Variants in CDIN1 observed in about 807,000 individuals in gnomAD.
CDIN1 encodes CDAN1 interacting nuclease 1, also known as CDAN1-interacting nuclease 1.
A neutral mutation model predicts 45.3 loss-of-function variants in CDIN1; 33 were observed. The ratio of observed to expected loss-of-function variants is 0.73; its 90% confidence interval spans 0.55 to 0.97. CDIN1 has a LOEUF of 0.97. Ranked by LOEUF, CDIN1 falls within the 50% of genes least tolerant of loss-of-function variation. The pLI is 0.00. For synonymous variants in CDIN1, 118 were observed against 124.4 expected, an observed-to-expected ratio of 0.95 and a Z score of 0.34; for missense variants, 303 against 339.4, an observed-to-expected ratio of 0.89 and a Z score of 0.84.
rs143203232 is a variant in CDIN1 at position 36,789,477 on chromosome 15, T to G, written c.717-18847T>G. On this transcript the variant is annotated intron_variant, in intron 10 of 10. Transcript: ENST00000566621. Reference sequence around the variant, plus strand: ...CCTTCCTAGTTTTTCAAGATGTATATTTTGTTAAAAAATTAATGGGTGAAG... The same window carrying G: ...CCTTCCTAGTTTTTCAAGATGTATAGTTTGTTAAAAAATTAATGGGTGAAG... Among the ~76,000 whole-genome samples, 555 of 152,300 alleles carry G rather than the reference T, an allele frequency of 3.6e-3. 1 individual carries two copies. The highest frequency in any genetic ancestry group is 0.013 in the African/African-American group (528 of 41,554).
intron 1 of CDIN1, among the ~76,000 whole-genome samples, chr15:36,604,114 C>CTTAAA (rs1369542692): frequency 6.6e-6 from 1 of 152,114 alleles, no homozygotes; most frequent in Non-Finnish European, 1.5e-5. Flanking sequence ...CGGGTGTGAT[C>CTTAAA]TTAAAATTGG....
chr15:36,693,899 T>C (rs905664368), intron 7 of CDIN1, among the ~76,000 whole-genome samples: 1 of 150,446 alleles, frequency 6.6e-6, no homozygotes, highest in African/African-American at 2.4e-5. Flanking sequence ...CACCATTCAC[T>C]TTCCTTTTTT....
rs559358891 is a variant in CDIN1 at position 36,676,201 on chromosome 15, C to T, written c.347-15484C>T. Among the ~76,000 whole-genome samples the T allele has an allele frequency of 5.9e-5, 9 of 152,214 alleles. No homozygotes were observed. The South Asian group carries it at 8.3e-4, about 14-fold the overall frequency. On this transcript the variant is annotated intron_variant, in intron 5 of 10. Coordinates refer to ENST00000566621, the MANE Select transcript of CDIN1 (RefSeq NM_001321759.2). Reference sequence around the variant, plus strand: ...TATCGTTTAACATGCCTTGAAATTTCGCCTCTGCTCACCTACCTATCCCTC... The same window carrying T: ...TATCGTTTAACATGCCTTGAAATTTTGCCTCTGCTCACCTACCTATCCCTC...
chr15:36,697,188 G>T, intron 7 of CDIN1, 135 bp from the exon 8 acceptor site: 3 of 717,038 alleles, frequency 4.2e-6, no homozygotes, highest in Non-Finnish European at 7.3e-6. Context: ...TAAATGAGGG[G>T]ATGTGTGTAG....
intron 10 of CDIN1, among the ~76,000 whole-genome samples, chr15:36,739,866 T>A (rs2044168768): frequency 6.6e-6 from 1 of 152,198 alleles, no homozygotes; most frequent in Non-Finnish European, 1.5e-5. Flanking sequence ...ATCCAAAAAA[T>A]TTGAAAAATT....
chr15:36,796,481 C>G (rs1283145869), intron 10 of CDIN1, among the ~76,000 whole-genome samples: 1 of 152,150 alleles, frequency 6.6e-6, no homozygotes, highest in East Asian at 1.9e-4. Flanking sequence ...GAATGATTCA[C>G]AAAACCTCAA....
chr15:36,613,546 G>A, intron 1 of CDIN1: 1 of 1,517,582 alleles, frequency 6.6e-7, no homozygotes, highest in South Asian at 1.1e-5. Flanking sequence ...ATGATGCAGA[G>A]GAGTGAGCTG....
chr15:36,738,656 C>T (rs1304502141), intron 10 of CDIN1, among the ~76,000 whole-genome samples: 2 of 152,184 alleles, frequency 1.3e-5, no homozygotes, highest in African/African-American at 4.8e-5. Flanking sequence ...GAGGTACATA[C>T]GTAGCTCACT....
At chr15:36,617,653 G>T (rs2038957248) in intron 1 of CDIN1, 5 of 766,350 alleles carry the variant, frequency 6.5e-6, no homozygotes, top group Non-Finnish European at 1.2e-5. Context: ...TGATGAGAAG[G>T]GTAAAAAAGT....
In CDIN1 at chr15:36,647,288, G is replaced by C. The variant is rs1218725820; in HGVS notation, c.212+2001G>C. Reference sequence around the variant, plus strand: ...TAATCTCCCACCTCAGCCTCCCAAAGTGCTGGGATTACACGCCTGAGCCAC... The same window carrying C: ...TAATCTCCCACCTCAGCCTCCCAAACTGCTGGGATTACACGCCTGAGCCAC... On this transcript the variant is annotated intron_variant, in intron 3 of 10. Coordinates refer to ENST00000566621, the MANE Select transcript of CDIN1 (RefSeq NM_001321759.2). Among the ~76,000 whole-genome samples, 4 of 152,094 alleles carry C rather than the reference G, an allele frequency of 2.6e-5. No homozygotes were observed. The East Asian group carries it at 7.7e-4, about 29-fold the overall frequency.
intron 10 of CDIN1, among the ~76,000 whole-genome samples, chr15:36,757,951 T>G (rs953972422): frequency 6.6e-6 from 1 of 152,168 alleles, no homozygotes; most frequent in African/African-American, 2.4e-5. Context: ...TATAGTATAT[T>G]GTCATAATGG....
chr15:36,733,676 TTGTCTCAATC>T, intron 10 of CDIN1, among the ~76,000 whole-genome samples: 1 of 152,228 alleles, frequency 6.6e-6, no homozygotes, highest in East Asian at 1.9e-4. Context: ...GGCATCAAAA[TTGTCTCAATC>T]TATGAATCTT....
intron 3 of CDIN1, among the ~76,000 whole-genome samples, chr15:36,650,563 C>T (rs1019425862): frequency 1.3e-5 from 2 of 151,834 alleles, no homozygotes; most frequent in Admixed American, 1.3e-4. Flanking sequence ...GTGCCTCAGC[C>T]TCCTGAGTAG....
chr15:36,637,597 C>T (rs888827027), intron 1 of CDIN1, among the ~76,000 whole-genome samples: 7 of 152,018 alleles, frequency 4.6e-5, no homozygotes. Context: ...GTCAGATGGC[C>T]CAGAATTCTT....
chr15:36,639,724 A>G (rs11073190), intron 1 of CDIN1, among the ~76,000 whole-genome samples: 77,806 of 152,062 alleles, frequency 0.51, 20,208 homozygotes, highest in Admixed American at 0.59. Flanking sequence ...GTTATATGCA[A>G]TACTGTGCCA....
chr15:36,691,544 T>G (rs889047734), intron 5 of CDIN1, 141 bp from the exon 6 acceptor site: 1 of 595,250 alleles, frequency 1.7e-6, no homozygotes, highest in African/African-American at 1.9e-5. Flanking sequence ...TTCTGTTAGA[T>G]TATAGAAAAA....
At chr15:36,681,140 A>T (rs908815242) in intron 5 of CDIN1, among the ~76,000 whole-genome samples, 1 of 152,146 alleles carries the variant, frequency 6.6e-6, no homozygotes, top group African/African-American at 2.4e-5. Context: ...TAAACATTTT[A>T]TATATTTGCA....
At chr15:36,784,763 T>A in intron 10 of CDIN1, among the ~76,000 whole-genome samples, 1 of 152,266 alleles carries the variant, frequency 6.6e-6, no homozygotes, top group Non-Finnish European at 1.5e-5. Flanking sequence ...TTAAAAAACA[T>A]TCTTTATATG....
chr15:36,654,359 T>C (rs1436314626), intron 4 of CDIN1, among the ~76,000 whole-genome samples: 2 of 152,294 alleles, frequency 1.3e-5, no homozygotes, highest in East Asian at 3.9e-4. Flanking sequence ...GTTGACATAA[T>C]TAGTCTACTT....
Sources: allele counts gnomAD v4.1 joint callset (sites outside exome capture counted in the v4.1 genomes callset), GRCh38; gene constraint gnomAD v4.1.1; transcripts MANE v1.5; gene names NCBI Gene and HGNC (gene_info 2026-07-23, HGNC 2026-07-21).